The following APC variants were observed in gnomAD, a reference collection of about 807,000 sequenced individuals.
APC encodes the protein APC regulator of Wnt signaling pathway, also known as adenomatous polyposis coli protein.
In APC, 72 loss-of-function variants were observed where a neutral mutation model predicts 247.0. The ratio of observed to expected loss-of-function variants is 0.29; its 90% confidence interval spans 0.24 to 0.35. The LOEUF (loss-of-function observed/expected upper bound fraction) is 0.35. APC is among the 10% of genes least tolerant of loss of function. The pLI, the probability that APC is intolerant of heterozygous loss-of-function variation, is 1.00. For missense variants in APC, 3,400 were observed against 3,360.7 expected (o/e 1.01, Z -0.29); for synonymous variants, 1,254 against 1,162.5 (o/e 1.08, Z -1.60).
intron 11 of APC, among the ~76,000 whole-genome samples, chr5:112,826,656 C>T (rs1181554940): frequency 6.7e-6 from 1 of 148,504 alleles, no homozygotes; most frequent in Non-Finnish European, 1.5e-5. Flanking sequence ...ATCCGTATTC[C>T]TAAGGGTAAT....
chr5:112,726,261 T>G (rs765039619), intron 1 of APC, among the ~76,000 whole-genome samples: 4 of 152,214 alleles, frequency 2.6e-5, no homozygotes, highest in African/African-American at 9.7e-5. Flanking sequence ...TCCAGGAAGA[T>G]TCAGGTTGTA....
chr5:112,805,270 G>T (rs1002499169), intron 8 of APC, among the ~76,000 whole-genome samples: 1 of 152,052 alleles, frequency 6.6e-6, no homozygotes. Flanking sequence ...CTTGATTTCC[G>T]TTGTATGGTA....
chr5:112,806,809 C>T (rs1387549494), intron 8 of APC, among the ~76,000 whole-genome samples: 1 of 152,030 alleles, frequency 6.6e-6, no homozygotes, highest in East Asian at 1.9e-4. Flanking sequence ...AATTCCCAAG[C>T]TCAAGCAATC....
At chr5:112,742,453 T>C (rs1753148600) in intron 1 of APC, among the ~76,000 whole-genome samples, 1 of 152,212 alleles carries the variant, frequency 6.6e-6, no homozygotes, top group South Asian at 2.1e-4. Flanking sequence ...CTTAGTTGGA[T>C]GGTCTGACTG....
At position 112,841,138 on chromosome 5, in the gene APC, T is replaced by C. The variant is rs1294772411; in HGVS notation, c.5544T>C (p.Pro1848=). The change falls in exon 16 of 16, where the codon CCT becomes CCC. Residue 1848 remains proline (P), a synonymous_variant. Coordinates refer to ENST00000257430, the MANE Select transcript of APC (RefSeq NM_000038.6). This position sits in a 1 kb window ranked among gnomAD's most constrained non-coding sequence, Gnocchi z 4.6. The part of the protein sequence containing the change: ...FAFDSPHHYT[P]IEGTPYCFSR... ...TTGATTCACCTCATCATTACACGCC[T>C]ATTGAAGGAACTCCTTACTGTTTTT... is the stretch of plus-strand genomic sequence containing the variant. The C allele has an allele frequency of 1.9e-6, 3 of 1,613,036 alleles. No homozygotes were observed. Among genetic ancestry groups the C allele is most frequent in the South Asian group, 1.1e-5 (1 of 91,060 alleles).
rs1554089100 is a variant in APC, at chr5:112,843,992, G to C, written c.8398G>C (p.Ala2800Pro). 2 of 1,601,128 alleles carry C rather than the reference G, an allele frequency of 1.2e-6. 1 individual carries two copies. The highest frequency in any genetic ancestry group is 3.4e-4 in the Middle Eastern group (2 of 5,956). Residue 2800 changes from alanine (A) to proline (P), a missense_variant, in exon 16 of 16, where the codon GCT becomes CCT. Around this residue, in one of 9 missense-constraint regions of APC, gnomAD observed 1,788 missense variants for 1,649.5 expected, o/e 1.08. Transcript: ENST00000257430. This position sits in a 1 kb window ranked among gnomAD's most constrained non-coding sequence, Gnocchi z 4.8. ...GAAAAGCAGCGCAGATAGCACTTCAGCTCGGCCATCTCAGATCCCAACTCC... is the reference window on the plus strand; with the variant it reads ...GAAAAGCAGCGCAGATAGCACTTCACCTCGGCCATCTCAGATCCCAACTCC... ...PRKSSADSTS[A>P]RPSQIPTPVN...
intron 7 of APC, among the ~76,000 whole-genome samples, chr5:112,796,424 T>G (rs1471676197): frequency 1.3e-5 from 2 of 152,146 alleles, no homozygotes; most frequent in Non-Finnish European, 2.9e-5. Flanking sequence ...GAACTTTGGA[T>G]TTAGTACATC....
At chr5:112,763,839 C>T (rs566153819) in intron 2 of APC, among the ~76,000 whole-genome samples, 1 of 152,334 alleles carries the variant, frequency 6.6e-6, no homozygotes, top group Admixed American at 6.5e-5. Flanking sequence ...CTACCCCAGG[C>T]TTACTGAATC....
At position 112,838,693 on chromosome 5, in the gene APC, T is replaced by A. The variant is rs754300314; in HGVS notation, c.3099T>A (p.Asp1033Glu). 1 of 1,614,152 alleles carries A rather than the reference T, an allele frequency of 6.2e-7. No individual in the cohort carries two copies. Among genetic ancestry groups the A allele is most frequent in the Non-Finnish European group, 8.5e-7 (1 of 1,180,018 alleles). The stretch of plus-strand genomic sequence containing the variant: ...TAAATTATAGTCTTAAATATTCAGA[T>A]GAGCAGTTGAACTCTGGAAGGCAAA... ...TPINYSLKYS[D>E]EQLNSGRQSP... The change falls in exon 16 of 16, where the codon GAT becomes GAA. Residue 1033 changes from aspartate to glutamate, a missense_variant. Physicochemically the swap from Asp to Glu is conservative, Grantham distance 45. This residue lies in a region of APC where 715 missense variants were observed against 656.6 expected (regional missense o/e 1.09). Transcript: ENST00000257430.
intron 9 of APC, among the ~76,000 whole-genome samples, chr5:112,817,457 C>G (rs1486496636): frequency 6.6e-6 from 1 of 152,076 alleles, no homozygotes; most frequent in African/African-American, 2.4e-5. Context: ...TTGTATGTAC[C>G]TTATCTCTGG....
chr5:112,764,767 C>G (rs1250641872), intron 2 of APC, among the ~76,000 whole-genome samples: 2 of 152,080 alleles, frequency 1.3e-5, no homozygotes, highest in Admixed American at 1.3e-4. Flanking sequence ...TATTGAAGGA[C>G]TAAAACAGTA....
intron 1 of APC, chr5:112,738,288 A>C: frequency 1.0e-6 from 1 of 985,500 alleles, no homozygotes; most frequent in Non-Finnish European, 1.2e-6. Flanking sequence ...AGAATGGAGC[A>C]TATTCATGGC....
intron 4 of APC, among the ~76,000 whole-genome samples, chr5:112,768,329 G>A (rs1415536569): frequency 6.6e-6 from 1 of 150,550 alleles, no homozygotes. Context: ...ACAGGCATGA[G>A]GCACTACACT....
At chr5:112,769,540 A>G (rs1445339264) in intron 4 of APC, among the ~76,000 whole-genome samples, 7 of 152,158 alleles carry the variant, frequency 4.6e-5, no homozygotes, top group Non-Finnish European at 5.9e-5. Context: ...CCCCTAAAAG[A>G]TTCCTTAATG....
At position 112,828,547 on chromosome 5, in the gene APC, G is replaced by T. The variant is rs114577145; in HGVS notation, c.1627-309G>T. ...GGCTCACAGTAACCTCAAGCTCCTG[G>T]GATCCTCCTGCTTCAGCCTCCCAAG... On this transcript the variant is annotated intron_variant, in intron 13 of 15. Coordinates refer to ENST00000257430, the MANE Select transcript of APC (RefSeq NM_000038.6). Among the ~76,000 whole-genome samples, 1,453 of 151,432 alleles carry T rather than the reference G, an allele frequency of 9.6e-3. 23 individuals are homozygous for T. Among genetic ancestry groups the T allele is most frequent in the African/African-American group, 0.033 (1,373 of 41,266 alleles).
rs1554088902 is a variant in APC at position 112,843,709 on chromosome 5, T to C, written c.8115T>C (p.Asn2705=). 1.2e-6 allele frequency: 2 copies of C among 1,613,966 alleles called. No homozygotes were observed. Among genetic ancestry groups the C allele is most frequent in the Non-Finnish European group, 1.7e-6 (2 of 1,179,918 alleles). The change falls in exon 16 of 16, where the codon AAT becomes AAC. Residue 2705 remains asparagine (N), a synonymous_variant. Transcript: ENST00000257430. This position sits in a 1 kb window ranked among gnomAD's most constrained non-coding sequence, Gnocchi z 4.8. ...CAAAAGATAATCAGGCAAAACAAAA[T>C]GTGGGTAATGGCAGTGTTCCCATGC... ...KDSKDNQAKQ[N]VGNGSVPMRT... is the part of the protein sequence containing the mutation.
intron 14 of APC, among the ~76,000 whole-genome samples, chr5:112,831,349 C>T (rs984073445): frequency 6.6e-5 from 10 of 152,084 alleles, no homozygotes; most frequent in African/African-American, 2.2e-4. Context: ...CCTCATGACC[C>T]GCCTGCCTTG....
chr5:112,766,121 A>G (rs1342239448), intron 2 of APC, among the ~76,000 whole-genome samples: 2 of 152,178 alleles, frequency 1.3e-5, no homozygotes, highest in Non-Finnish European at 2.9e-5. Flanking sequence ...GAGACTCCCC[A>G]TAATCACCAT....
intron 2 of APC, among the ~76,000 whole-genome samples, chr5:112,758,708 C>A (rs1755281588): frequency 6.6e-6 from 1 of 151,618 alleles, no homozygotes; most frequent in African/African-American, 2.4e-5. Context: ...CTCACTGCAG[C>A]CTCCACCTCC....
Sources: gnomAD v4.1 joint callset for allele counts (sites outside exome capture counted in the v4.1 genomes callset) on GRCh38, gnomAD v4.1.1 for gene constraint, gnomAD v4.1.1 regional missense constraint, Gnocchi (gnomAD v3.1) non-coding constraint, MANE v1.5 for transcripts, NCBI Gene and HGNC (gene_info 2026-07-23, HGNC 2026-07-21) for gene names.